Variants in ADD1 observed in about 807,000 individuals in gnomAD.
The protein encoded by ADD1 is adducin 1, also known as alpha-adducin.
ADD1 carries 24 observed loss-of-function variants against 80.5 expected under a neutral mutation model. That is an observed-to-expected ratio of 0.30 (90% CI 0.22 to 0.42). The LOEUF (loss-of-function observed/expected upper bound fraction) is 0.42. Ranked by LOEUF, ADD1 falls within the 10% of genes least tolerant of loss-of-function variation. The pLI is 1.00. For synonymous variants in ADD1, 373 were observed against 393.8 expected (o/e 0.95, Z 0.63); for missense variants, 948 against 1,019.0 (o/e 0.93, Z 0.95).
intron 1 of ADD1, among the ~76,000 whole-genome samples, chr4:2,864,327 T>A (rs552263917): frequency 6.6e-6 from 1 of 152,190 alleles, no homozygotes; most frequent in East Asian, 1.9e-4. Context: ...GCAGGAGAAT[T>A]GCTTGAACCC....
chr4:2,914,528 A>G (rs952546357), intron 13 of ADD1, among the ~76,000 whole-genome samples: 1 of 152,188 alleles, frequency 6.6e-6, no homozygotes, highest in Non-Finnish European at 1.5e-5. Flanking sequence ...ACTGACTTTT[A>G]AACAGTAACA....
At chr4:2,879,855 C>T (rs1242094746) in intron 2 of ADD1, among the ~76,000 whole-genome samples, 1 of 152,168 alleles carries the variant, frequency 6.6e-6, no homozygotes, top group African/African-American at 2.4e-5. Context: ...GCTAGGATTA[C>T]AGGCACAAGC....
intron 1 of ADD1, among the ~76,000 whole-genome samples, chr4:2,852,695 T>G (rs1483416035): frequency 7.0e-6 from 1 of 143,554 alleles, no homozygotes; most frequent in African/African-American, 2.5e-5. Context: ...GCAGGAAATA[T>G]CTTTTTTTTT....
intron 1 of ADD1, among the ~76,000 whole-genome samples, chr4:2,857,461 A>G (rs577504528): frequency 1.3e-5 from 2 of 152,244 alleles, no homozygotes; most frequent in South Asian, 4.1e-4. Flanking sequence ...TACAAAAATT[A>G]GCCGGACATG....
At chr4:2,865,674 C>T (rs1729442773) in intron 1 of ADD1, among the ~76,000 whole-genome samples, 1 of 152,150 alleles carries the variant, frequency 6.6e-6, no homozygotes, top group Non-Finnish European at 1.5e-5. Flanking sequence ...TGCCAAACTT[C>T]CCTACCTTCC....
At chr4:2,912,393 T>A (rs1738226377) in intron 13 of ADD1, among the ~76,000 whole-genome samples, 1 of 152,028 alleles carries the variant, frequency 6.6e-6, no homozygotes, top group African/African-American at 2.4e-5. Context: ...AGGAGGGAGC[T>A]CTCCACCACT....
chr4:2,857,352 C>T (rs747661009), intron 1 of ADD1, among the ~76,000 whole-genome samples: 1 of 152,184 alleles, frequency 6.6e-6, no homozygotes, highest in Non-Finnish European at 1.5e-5. Context: ...CCTGCAGTCT[C>T]AGAGTCCCAG....
At chr4:2,924,656 G>A (rs369358963) in intron 14 of ADD1, among the ~76,000 whole-genome samples, 5 of 152,290 alleles carry the variant, frequency 3.3e-5, no homozygotes, top group Non-Finnish European at 5.9e-5. Context: ...ACTGCATTAC[G>A]TAGTTGTGAC....
chr4:2,858,206 GT>G (rs1395581560), intron 1 of ADD1, among the ~76,000 whole-genome samples: 4 of 152,180 alleles, frequency 2.6e-5, no homozygotes, highest in Non-Finnish European at 5.9e-5. Context: ...TGTTCTTCTG[GT>G]GTCCTTTTTA....
At chr4:2,879,340 T>G (rs1425889139) in intron 2 of ADD1, among the ~76,000 whole-genome samples, 1 of 152,174 alleles carries the variant, frequency 6.6e-6, no homozygotes, top group Non-Finnish European at 1.5e-5. Context: ...TTTTCTTCTT[T>G]TTGTGTCTTC....
chr4:2,868,315 T>A (rs1294493416), intron 1 of ADD1, among the ~76,000 whole-genome samples: 2 of 152,170 alleles, frequency 1.3e-5, no homozygotes, highest in African/African-American at 4.8e-5. Flanking sequence ...GTATTGCAGG[T>A]TTCCAAGTGT....
chr4:2,913,747 G>A (rs1225792292), intron 13 of ADD1, among the ~76,000 whole-genome samples: 1 of 151,930 alleles, frequency 6.6e-6, no homozygotes, highest in African/African-American at 2.4e-5. Context: ...CAGCTAGGAC[G>A]CTCTCCATCT....
chr4:2,855,627 A>G (rs530487840), intron 1 of ADD1, among the ~76,000 whole-genome samples: 1 of 151,044 alleles, frequency 6.6e-6, no homozygotes, highest in Non-Finnish European at 1.5e-5. Flanking sequence ...TCAGTGTTTT[A>G]GTCCAGACTT....
In ADD1 at chr4:2,914,889, G is replaced by A; in HGVS notation, c.1797G>A (p.Glu599=). The A allele has an allele frequency of 3.1e-6, 5 of 1,610,456 alleles. No individual in the cohort carries two copies. The highest frequency in any genetic ancestry group is 4.2e-6 in the Non-Finnish European group (5 of 1,178,048). ...GATGTGCCTTTCATCCACAGGGAGA[G>A]CTGGTGACGGCCTCCAAGGCCATCA... is the stretch of plus-strand genomic sequence containing the variant. ...PAKSLSFRKG[E]LVTASKAIIE... Residue 599 remains glutamate (E), a synonymous_variant, in exon 14 of 16, where the codon GAG becomes GAA. Transcript: ENST00000683351.
intron 13 of ADD1, among the ~76,000 whole-genome samples, chr4:2,913,072 T>A (rs190935635): frequency 6.6e-6 from 1 of 152,240 alleles, no homozygotes; most frequent in African/African-American, 2.4e-5. Flanking sequence ...GGTCTTGAAC[T>A]CCTGACCTCA....
At chr4:2,889,242 G>A (rs1276366654) in intron 4 of ADD1, among the ~76,000 whole-genome samples, 1 of 152,156 alleles carries the variant, frequency 6.6e-6, no homozygotes, top group African/African-American at 2.4e-5. Context: ...GGTGGGGGAT[G>A]GACTTGGCAA....
chr4:2,845,130 T>A (rs375516210), intron 1 of ADD1, among the ~76,000 whole-genome samples: 5 of 152,206 alleles, frequency 3.3e-5, no homozygotes, highest in East Asian at 3.9e-4. Context: ...TGGAGTACAG[T>A]GGCGCGATCT....
At chr4:2,852,002 C>A (rs190642186) in intron 1 of ADD1, among the ~76,000 whole-genome samples, 3 of 152,208 alleles carry the variant, frequency 2.0e-5, no homozygotes, top group Non-Finnish European at 4.4e-5. Flanking sequence ...CTACGCCCGG[C>A]TAATTTTTGT....
chr4:2,878,610 C>A (rs1479184596), intron 2 of ADD1, among the ~76,000 whole-genome samples: 2 of 152,098 alleles, frequency 1.3e-5, no homozygotes, highest in Non-Finnish European at 2.9e-5. Flanking sequence ...AAAGTTCCTG[C>A]CCACAGGTTG....
Sources: allele counts gnomAD v4.1 joint callset (sites outside exome capture counted in the v4.1 genomes callset), GRCh38; gene constraint gnomAD v4.1.1; transcripts MANE v1.5; gene names NCBI Gene and HGNC (gene_info 2026-07-23, HGNC 2026-07-21).